Variants in PDE3B observed in about 807,000 individuals in gnomAD.
PDE3B encodes cGMP-inhibited 3',5'-cyclic phosphodiesterase 3B.
PDE3B carries 66 observed loss-of-function variants against 116.8 expected under a neutral mutation model. The ratio of observed to expected loss-of-function variants is 0.56; its 90% CI spans 0.46 to 0.69. The LOEUF (loss-of-function observed/expected upper bound fraction) is 0.69, where lower values mean the gene tolerates loss of function less well. PDE3B is among the 30% of genes least tolerant of loss of function. The pLI, the probability that PDE3B is intolerant of heterozygous loss-of-function variation, is 0.00. For synonymous variants in PDE3B, 595 were observed against 533.6 expected (o/e 1.12, Z -1.59); for missense variants, 1,384 against 1,368.1 (o/e 1.01, Z -0.18).
intron 2 of PDE3B, among the ~76,000 whole-genome samples, chr11:14,778,755 G>A (rs934523396): frequency 2.6e-5 from 4 of 152,178 alleles, no homozygotes; most frequent in African/African-American, 9.7e-5. Flanking sequence ...AAATCAGAGT[G>A]CCCCTTCTCC....
chr11:14,764,335 G>A (rs1210714349), intron 1 of PDE3B, among the ~76,000 whole-genome samples: 1 of 152,046 alleles, frequency 6.6e-6, no homozygotes, highest in African/African-American at 2.4e-5. Context: ...CAGCTGCAAG[G>A]CTTCTTAGGT....
At chr11:14,748,108 AAC>A (rs1278879097) in intron 1 of PDE3B, among the ~76,000 whole-genome samples, 1 of 152,260 alleles carries the variant, frequency 6.6e-6, no homozygotes, top group African/African-American at 2.4e-5. Flanking sequence ...CTAGTTCTTT[AAC>A]ATAATCTAAA....
chr11:14,734,635 T>A (rs952297624), intron 1 of PDE3B, among the ~76,000 whole-genome samples: 1 of 152,194 alleles, frequency 6.6e-6, no homozygotes, highest in Non-Finnish European at 1.5e-5. Flanking sequence ...ATTGAATTAA[T>A]CTTGAACTTC....
chr11:14,752,133 A>T (rs1857072820), intron 1 of PDE3B, among the ~76,000 whole-genome samples: 1 of 152,064 alleles, frequency 6.6e-6, no homozygotes, highest in African/African-American at 2.4e-5. Flanking sequence ...AATCAATTAC[A>T]TTTGTTTGTT....
intron 1 of PDE3B, among the ~76,000 whole-genome samples, chr11:14,653,442 A>G (rs934527230): frequency 2.6e-5 from 4 of 152,000 alleles, no homozygotes; most frequent in African/African-American, 9.7e-5. Flanking sequence ...TACACAACAA[A>G]AACACATCCG....
intron 5 of PDE3B, among the ~76,000 whole-genome samples, chr11:14,805,285 G>C (rs1206260226): frequency 6.6e-6 from 1 of 152,160 alleles, no homozygotes; most frequent in Non-Finnish European, 1.5e-5. Context: ...TAATGATATT[G>C]ACAGTGACTT....
At chr11:14,649,427 C>G (rs1048752276) in intron 1 of PDE3B, among the ~76,000 whole-genome samples, 1 of 152,148 alleles carries the variant, frequency 6.6e-6, no homozygotes, top group Non-Finnish European at 1.5e-5. Flanking sequence ...GATAAAAATA[C>G]TGGCTGAGGG....
At chr11:14,760,933 T>C (rs951907215) in intron 1 of PDE3B, among the ~76,000 whole-genome samples, 1 of 152,208 alleles carries the variant, frequency 6.6e-6, no homozygotes, top group Admixed American at 6.5e-5. Flanking sequence ...ATTACAGTTC[T>C]TCTCTCTAGC....
chr11:14,682,326 A>G (rs1188451636), intron 1 of PDE3B, among the ~76,000 whole-genome samples: 1 of 152,200 alleles, frequency 6.6e-6, no homozygotes, highest in East Asian at 1.9e-4. Flanking sequence ...TCTAATCTGT[A>G]TACTTTTTAT....
At position 14,789,161 on chromosome 11, in the gene PDE3B, C is replaced by T. The variant is rs1205183522; in HGVS notation, c.1334C>T (p.Ser445Leu). Residue 445 changes from serine (S) to leucine (L), a missense_variant, in exon 4 of 16, where the codon TCA becomes TTA. Around this residue, in one of 2 missense-constraint regions of PDE3B, gnomAD observed 956 missense variants for 806.8 expected, o/e 1.18. Transcript: ENST00000282096. ...TPQLRRSSGT[S>L]GLLPVEQSSR... ...CAGCTGAGGAGAAGCTCAGGAACTT[C>T]AGGATTGCTACCTGTTGAACAGTCT... 1 of 1,611,052 alleles carries T rather than the reference C, an allele frequency of 6.2e-7. No individual in the cohort carries two copies. The highest frequency in any genetic ancestry group is 1.1e-5 in the South Asian group (1 of 90,968).
At chr11:14,806,872 A>AG (rs1397959082) in intron 5 of PDE3B, among the ~76,000 whole-genome samples, 1 of 149,120 alleles carries the variant, frequency 6.7e-6, no homozygotes, top group Non-Finnish European at 1.5e-5. Context: ...AAAAAAAAAA[A>AG]AAAAAAAAGA....
chr11:14,749,919 T>TATATATATATATA (rs1391477381), intron 1 of PDE3B, among the ~76,000 whole-genome samples: 13 of 138,684 alleles, frequency 9.4e-5, no homozygotes, highest in South Asian at 2.3e-4. Flanking sequence ...TATATGTATC[T>TATATATATATATA]TTGTGGAAGC....
At chr11:14,847,097 T>G (rs1847624087) in intron 12 of PDE3B, among the ~76,000 whole-genome samples, 1 of 151,882 alleles carries the variant, frequency 6.6e-6, no homozygotes. Context: ...GAAGTAAAGC[T>G]CTCCTCAGCA....
intron 1 of PDE3B, among the ~76,000 whole-genome samples, chr11:14,757,390 A>G (rs1386234749): frequency 6.7e-6 from 1 of 150,264 alleles, no homozygotes; most frequent in East Asian, 2.0e-4. Context: ...TGACTTCCAC[A>G]ATGGTTGAAC....
At chr11:14,769,718 T>G (rs1857586717) in intron 1 of PDE3B, among the ~76,000 whole-genome samples, 1 of 148,996 alleles carries the variant, frequency 6.7e-6, no homozygotes, top group Admixed American at 6.7e-5. Context: ...TCATGTAATT[T>G]TCATACCAAA....
intron 1 of PDE3B, among the ~76,000 whole-genome samples, chr11:14,664,124 G>A (rs576271503): frequency 4.6e-5 from 7 of 152,164 alleles, no homozygotes; most frequent in Admixed American, 3.3e-4. Flanking sequence ...ACTCAAAACC[G>A]CTCAACTATA....
At chr11:14,743,090 C>T (rs767981237) in intron 1 of PDE3B, among the ~76,000 whole-genome samples, 36 of 152,160 alleles carry the variant, frequency 2.4e-4, no homozygotes, top group Non-Finnish European at 4.9e-4. Flanking sequence ...AGAGCTTGAG[C>T]GCTGTGTTGG....
At chr11:14,882,753 G>C in the PDE3B span, among the ~76,000 whole-genome samples, 1 of 152,228 alleles carries the variant, frequency 6.6e-6, no homozygotes, top group Non-Finnish European at 1.5e-5. Context: ...GTCTCTGTTT[G>C]CAGATGACAT....
At chr11:14,691,380 C>T (rs1170211183) in intron 1 of PDE3B, among the ~76,000 whole-genome samples, 1 of 151,894 alleles carries the variant, frequency 6.6e-6, no homozygotes, top group Non-Finnish European at 1.5e-5. Flanking sequence ...AATTAATCTT[C>T]CAGAATTTTT....
Sources: gnomAD v4.1 joint callset for allele counts (sites outside exome capture counted in the v4.1 genomes callset) on GRCh38, gnomAD v4.1.1 for gene constraint, gnomAD v4.1.1 regional missense constraint, MANE v1.5 for transcripts, NCBI Gene and HGNC (gene_info 2026-07-23, HGNC 2026-07-21) for gene names.